The following PDLIM7 variants were observed in gnomAD, a reference collection of about 807,000 sequenced individuals.
PDLIM7 encodes PDZ and LIM domain 7, also known as PDZ and LIM domain protein 7.
In PDLIM7, 37 loss-of-function variants were observed where a neutral mutation model predicts 53.9. The ratio of observed to expected loss-of-function variants is 0.69; its 90% CI spans 0.53 to 0.90. The LOEUF is 0.90. Ranked by LOEUF, PDLIM7 falls within the 40% of genes least tolerant of loss-of-function variation. PDLIM7 has a pLI of 0.00. For synonymous variants in PDLIM7, 300 were observed against 261.3 expected (o/e 1.15, Z -1.43); for missense variants, 617 against 638.5 (o/e 0.97, Z 0.36).
At position 177,484,089 on chromosome 5, in the gene PDLIM7, G is replaced by A. The variant is rs371472586; in HGVS notation, c.1152C>T (p.Gly384=). The A allele has an allele frequency of 8.7e-6, 14 of 1,613,990 alleles. No homozygotes were observed. Among genetic ancestry groups the A allele is most frequent in the Non-Finnish European group, 1.2e-5 (14 of 1,179,974 alleles). ...IRNRAFYMEE[G]VPYCERDYEK... ...GGGTACCTCGCTCGCAATAGGGCAC[G>A]CCCTCCTCCATGTAGAAGGCCCTGT... is the stretch of plus-strand genomic sequence containing the variant. The change falls in exon 11 of 13, where the codon GGC becomes GGT. Residue 384 remains glycine, a synonymous_variant. Coordinates refer to ENST00000355841, the MANE Select transcript of PDLIM7 (RefSeq NM_005451.5).
chr5:177,487,408 T>C (rs1253750540), intron 10 of PDLIM7, among the ~76,000 whole-genome samples: 1 of 152,248 alleles, frequency 6.6e-6, no homozygotes, highest in Non-Finnish European at 1.5e-5. Flanking sequence ...ATGGACGCCA[T>C]GGGGCTCTGT....
At chr5:177,492,166 C>A in intron 4 of PDLIM7, 1 of 620,454 alleles carries the variant, frequency 1.6e-6, no homozygotes, top group South Asian at 2.0e-5. Context: ...GCACGCAGCG[C>A]CGGCGGCGGG....
At chr5:177,491,298 G>T in intron 5 of PDLIM7, 152 bp from the exon 6 acceptor site, 2 of 1,454,364 alleles carry the variant, frequency 1.4e-6, no homozygotes, top group East Asian at 2.4e-5. Flanking sequence ...GTAGGTGAGA[G>T]GACAGGAGGG....
intron 10 of PDLIM7, 165 bp from the exon 11 acceptor site, chr5:177,484,355 G>A (rs918963905): frequency 1.1e-5 from 9 of 786,036 alleles, no homozygotes; most frequent in Non-Finnish European, 1.8e-5. Flanking sequence ...CAAGGTCTCT[G>A]AGTGGACGAC....
intron 7 of PDLIM7, chr5:177,490,466 C>T (rs756280362): frequency 1.3e-6 from 2 of 1,542,552 alleles, no homozygotes; most frequent in South Asian, 1.2e-5. Flanking sequence ...AAGAGGGAGG[C>T]AGAGAGGGCA....
At chr5:177,494,668 C>A (rs771321842) in intron 2 of PDLIM7, among the ~76,000 whole-genome samples, 1 of 152,110 alleles carries the variant, frequency 6.6e-6, no homozygotes, top group South Asian at 2.1e-4. Flanking sequence ...CAGAAGACAG[C>A]GCTGGGCGGG....
At chr5:177,495,332 C>A (rs1196132304) in intron 2 of PDLIM7, among the ~76,000 whole-genome samples, 1 of 152,202 alleles carries the variant, frequency 6.6e-6, no homozygotes, top group Non-Finnish European at 1.5e-5. Context: ...AGCCCCTCCT[C>A]AGGCCACGAC....
At chr5:177,497,487 C>T (rs1036551050) in intron 1 of PDLIM7, 41 bp downstream of exon 1, 3 of 152,330 alleles carry the variant, frequency 2.0e-5, no homozygotes, top group African/African-American at 4.8e-5. Flanking sequence ...CCCGGGCGCC[C>T]GCCTGGTGCA....
At chr5:177,490,602 CAG>C (rs780475153) in intron 7 of PDLIM7, 11 of 1,537,506 alleles carry the variant, frequency 7.2e-6, no homozygotes, top group African/African-American at 2.8e-5. Context: ...CCCTGAGGGG[CAG>C]AGAGAGAGGG....
chr5:177,489,698 G>T, intron 8 of PDLIM7, 71 bp from the exon 9 acceptor site: 2 of 1,485,852 alleles, frequency 1.3e-6, no homozygotes, highest in East Asian at 2.4e-5. Context: ...CCAGGCAGCT[G>T]AGAGAAGCCC....
intron 5 of PDLIM7, 148 bp downstream of exon 5, chr5:177,491,659 G>T (rs1337247708): frequency 3.2e-6 from 2 of 619,050 alleles, no homozygotes; most frequent in African/African-American, 1.9e-5. Flanking sequence ...GGGGCCCTGT[G>T]CCTGCAGCCC....
intron 11 of PDLIM7, 33 bp downstream of exon 11, chr5:177,484,037 C>G: frequency 6.2e-7 from 1 of 1,613,566 alleles, no homozygotes; most frequent in Non-Finnish European, 8.5e-7. Flanking sequence ...CCCCATGCAC[C>G]ATCCCTCCTC....
Position 177,496,462 on chromosome 5 carries a change from C to T in PDLIM7, c.51G>A (p.Arg17=). ...VLEGPAPWGF[R]LQGGKDFNVP... ...CATTGAAGTCCTTGCCCCCTTGCAG[C>T]CGGAAGCCCCAAGGTGCTGGCCCCT... Residue 17 remains arginine, a synonymous_variant, in exon 2 of 13, where the codon CGG becomes CGA. Transcript: ENST00000355841. 6.2e-7 allele frequency: 1 copy of T among 1,605,300 alleles called. No homozygotes were observed. The highest frequency in any genetic ancestry group is 1.7e-5 in the Admixed American group (1 of 58,900).
chr5:177,496,617 C>T (rs972919482), intron 1 of PDLIM7, 94 bp from the exon 2 acceptor site: 7 of 788,574 alleles, frequency 8.9e-6, no homozygotes, highest in Non-Finnish European at 1.3e-5. Context: ...GGACAGGGGC[C>T]AGGCAGGCAC....
Position 177,491,032 on chromosome 5 carries a change from G to A in PDLIM7, c.513C>T (p.Ala171=). ...TGQSRSFRIL[A]HLTGTEFMQD... ...TACTGAACTCGGTGCCTGTGAGGTG[G>A]GCAAGGATGCGGAAGGAACGCGACT... Residue 171 remains alanine (A), a synonymous_variant, in exon 6 of 13, where the codon GCC becomes GCT. Coordinates refer to ENST00000355841, the MANE Select transcript of PDLIM7 (RefSeq NM_005451.5). The A allele has an allele frequency of 6.2e-7, 1 of 1,613,394 alleles. No homozygotes were observed. The highest frequency in any genetic ancestry group is 8.5e-7 in the Non-Finnish European group (1 of 1,179,708).
chr5:177,492,012 C>T (rs1758821104), intron 4 of PDLIM7, 87 bp from the exon 5 acceptor site: 2 of 616,564 alleles, frequency 3.2e-6, no homozygotes, highest in Admixed American at 3.8e-5. Flanking sequence ...CAGAGGACAG[C>T]GGCAGCTCCA....
At chr5:177,492,796 A>G in intron 2 of PDLIM7, 119 bp from the exon 3 acceptor site, 2 of 1,132,802 alleles carry the variant, frequency 1.8e-6, no homozygotes, top group Non-Finnish European at 2.5e-6. Flanking sequence ...AGAGCTCTTC[A>G]TTCAACATAG....
chr5:177,492,377 C>A (rs751687174), intron 4 of PDLIM7, 28 bp downstream of exon 4: 2 of 1,611,206 alleles, frequency 1.2e-6, no homozygotes, highest in African/African-American at 1.3e-5. Context: ...CACCGCCCAC[C>A]GCCCGGATGT....
chr5:177,495,494 C>T (rs1284445182), intron 2 of PDLIM7, among the ~76,000 whole-genome samples: 2 of 152,212 alleles, frequency 1.3e-5, no homozygotes. Context: ...GAGATGCCAG[C>T]CGACAGGCTG....
Sources: gnomAD v4.1 joint callset for allele counts (sites outside exome capture counted in the v4.1 genomes callset) on GRCh38, gnomAD v4.1.1 for gene constraint, MANE v1.5 for transcripts, NCBI Gene and HGNC (gene_info 2026-07-23, HGNC 2026-07-21) for gene names.